DCC: variants seen among roughly 807,000 people sequenced by gnomAD.
DCC encodes the protein netrin receptor DCC.
A neutral mutation model predicts 172.5 loss-of-function variants in DCC; 58 were observed. The ratio of observed to expected loss-of-function variants is 0.34; its 90% confidence interval spans 0.27 to 0.42. The LOEUF (loss-of-function observed/expected upper bound fraction) is 0.42, where lower values mean the gene tolerates loss of function less well. Among genes scored for constraint, DCC ranks in the 10% least tolerant of loss-of-function variants. The pLI is 1.00. For missense variants in DCC, 1,740 were observed against 1,791.0 expected (o/e 0.97, Z 0.51); for synonymous variants, 709 against 644.5 (o/e 1.10, Z -1.52).
intron 5 of DCC, among the ~76,000 whole-genome samples, chr18:53,043,363 G>A (rs1346658357): frequency 2.0e-5 from 3 of 151,996 alleles, no homozygotes; most frequent in African/African-American, 7.2e-5. Context: ...ACCTAATGTA[G>A]ATGACATGTT....
intron 1 of DCC, among the ~76,000 whole-genome samples, chr18:52,375,978 A>G (rs1195077601): frequency 6.6e-6 from 1 of 152,198 alleles, no homozygotes; most frequent in East Asian, 1.9e-4. Context: ...AGCCCTTTAG[A>G]AGTAATCAGT....
At chr18:52,406,329 A>G (rs1358519952) in intron 1 of DCC, among the ~76,000 whole-genome samples, 1 of 150,618 alleles carries the variant, frequency 6.6e-6, no homozygotes, top group Non-Finnish European at 1.5e-5. Flanking sequence ...AATGGGATCT[A>G]ATTAAACTAA....
chr18:52,893,175 G>A (rs535649875), intron 2 of DCC, among the ~76,000 whole-genome samples: 1 of 150,870 alleles, frequency 6.6e-6, no homozygotes, highest in African/African-American at 2.4e-5. Context: ...CCTTTTTTTT[G>A]TCTCTCTCTA....
chr18:52,759,614 AC>A, intron 2 of DCC, among the ~76,000 whole-genome samples: 1 of 152,204 alleles, frequency 6.6e-6, no homozygotes, highest in Non-Finnish European at 1.5e-5. Flanking sequence ...AGTAATAGTA[AC>A]CAAAAACTCT....
chr18:52,819,885 A>ATT (rs397977094), intron 2 of DCC, among the ~76,000 whole-genome samples: 8 of 147,554 alleles, frequency 5.4e-5, no homozygotes, highest in African/African-American at 2.0e-4. Flanking sequence ...TGCCCAGCTA[A>ATT]TTTTTTTTTT....
At chr18:53,054,820 T>C (rs2042381236) in intron 5 of DCC, among the ~76,000 whole-genome samples, 1 of 152,104 alleles carries the variant, frequency 6.6e-6, no homozygotes, top group African/African-American at 2.4e-5. Context: ...CAAATTGTGC[T>C]CACGAGAAGT....
At chr18:52,740,065 C>T (rs2036795221) in intron 1 of DCC, among the ~76,000 whole-genome samples, 1 of 152,122 alleles carries the variant, frequency 6.6e-6, no homozygotes, top group African/African-American at 2.4e-5. Flanking sequence ...TTTCAGTTTC[C>T]TTCAGGTGAA....
At chr18:52,693,287 C>T (rs1348316430) in intron 1 of DCC, among the ~76,000 whole-genome samples, 9 of 149,388 alleles carry the variant, frequency 6.0e-5, no homozygotes, top group Non-Finnish European at 1.2e-4. Flanking sequence ...TTAATACATA[C>T]ACATTATATA....
intron 12 of DCC, among the ~76,000 whole-genome samples, chr18:53,242,887 TG>T (rs2056319139): frequency 6.6e-6 from 1 of 151,774 alleles, no homozygotes; most frequent in Non-Finnish European, 1.5e-5. Flanking sequence ...TGTGTGTGTG[TG>T]TGTGTGTGTG....
chr18:52,539,629 C>A (rs954035622), intron 1 of DCC, among the ~76,000 whole-genome samples: 6 of 152,160 alleles, frequency 3.9e-5, no homozygotes, highest in Admixed American at 3.9e-4. Flanking sequence ...GCCCCCGGCC[C>A]ATCCCATGGA....
intron 5 of DCC, among the ~76,000 whole-genome samples, chr18:52,967,395 A>G (rs1244450430): frequency 2.0e-5 from 3 of 152,188 alleles, no homozygotes; most frequent in Non-Finnish European, 2.9e-5. Context: ...CAATGTAATT[A>G]CTCAAATGTC....
At chr18:52,720,737 A>T (rs2036460193) in intron 1 of DCC, among the ~76,000 whole-genome samples, 1 of 152,204 alleles carries the variant, frequency 6.6e-6, no homozygotes. Flanking sequence ...TGACCATTTA[A>T]CTTGTGACAC....
At chr18:52,698,899 A>G (rs1426080472) in intron 1 of DCC, among the ~76,000 whole-genome samples, 5 of 151,746 alleles carry the variant, frequency 3.3e-5, no homozygotes, top group Non-Finnish European at 5.9e-5. Context: ...GTGGGCCACC[A>G]TGCCTGGCCA....
intron 2 of DCC, among the ~76,000 whole-genome samples, chr18:52,782,897 T>A (rs968934042): frequency 6.6e-6 from 1 of 152,088 alleles, no homozygotes; most frequent in African/African-American, 2.4e-5. Context: ...CTAGAAGAAA[T>A]GGGTGGCAGA....
At chr18:53,364,296 G>T (rs1044228878) in intron 15 of DCC, among the ~76,000 whole-genome samples, 10 of 152,018 alleles carry the variant, frequency 6.6e-5, no homozygotes, top group Non-Finnish European at 1.5e-4. Context: ...AATAGGTAAA[G>T]TATATAAAAG....
At chr18:52,605,596 C>T (rs1157003586) in intron 1 of DCC, among the ~76,000 whole-genome samples, 1 of 152,110 alleles carries the variant, frequency 6.6e-6, no homozygotes, top group African/African-American at 2.4e-5. Flanking sequence ...AAAACATTTA[C>T]AATTATATGT....
At chr18:53,454,737 T>C (rs1160054692) in intron 23 of DCC, among the ~76,000 whole-genome samples, 1 of 152,246 alleles carries the variant, frequency 6.6e-6, no homozygotes, top group African/African-American at 2.4e-5. Flanking sequence ...GTACTGACGA[T>C]GAAATGTCTA....
intron 1 of DCC, among the ~76,000 whole-genome samples, chr18:52,706,943 T>C (rs1242087234): frequency 6.6e-6 from 1 of 151,850 alleles, no homozygotes; most frequent in Non-Finnish European, 1.5e-5. Context: ...TAAGCTGAAA[T>C]ATAAAAGAGA....
At chr18:52,841,295 AAC>A (rs386803321) in intron 2 of DCC, among the ~76,000 whole-genome samples, 1 of 151,636 alleles carries the variant, frequency 6.6e-6, no homozygotes, top group Non-Finnish European at 1.5e-5. Flanking sequence ...TTAAAAAAAA[AAC>A]AACACTCTGA....
Sources: gnomAD v4.1 joint callset for allele counts (sites outside exome capture counted in the v4.1 genomes callset) on GRCh38, gnomAD v4.1.1 for gene constraint, MANE v1.5 for transcripts, NCBI Gene and HGNC (gene_info 2026-07-23, HGNC 2026-07-21) for gene names.